FAHD1: variants seen among roughly 807,000 people sequenced by gnomAD.
FAHD1 encodes oxaloacetate tautomerase FAHD1, mitochondrial.
A neutral mutation model predicts 12.7 loss-of-function variants in FAHD1; 14 were observed. That is an observed-to-expected ratio of 1.10 (90% confidence interval 0.73 to 1.72). The LOEUF is 1.72. FAHD1 is among the 40% of genes most tolerant of loss of function. The pLI is 0.00. For synonymous variants in FAHD1, 153 were observed against 124.9 expected, an observed-to-expected ratio of 1.22 and a Z score of -1.50; for missense variants, 351 against 298.9, an observed-to-expected ratio of 1.17 and a Z score of -1.29.
chr16:1,827,696 T>A, exon 1 of FAHD1: 3 of 1,614,102 alleles, frequency 1.9e-6, no homozygotes, highest in Non-Finnish European at 2.5e-6. Context: ...AACGGCGAAC[T>A]CAGACAGGAG....
exon 3 of FAHD1, chr16:1,839,299 A>G: frequency 6.2e-7 from 1 of 1,614,006 alleles, no homozygotes; most frequent in Non-Finnish European, 8.5e-7. Context: ...GTGAGACTAC[A>G]GGAATGAAGG....
chr16:1,838,290 A>G (rs1898803098), intron 2 of FAHD1, among the ~76,000 whole-genome samples: 1 of 152,114 alleles, frequency 6.6e-6, no homozygotes, highest in Non-Finnish European at 1.5e-5. Context: ...GTGACCCACT[A>G]TGCCCAGCCA....
chr16:1,834,350 C>G (rs1898681816), intron 1 of FAHD1: 3 of 1,605,774 alleles, frequency 1.9e-6, no homozygotes, highest in African/African-American at 1.3e-5. Flanking sequence ...ACTCCTTGCT[C>G]TGTGTGATAG....
chr16:1,827,342 T>C (rs1045424436), exon 1 of FAHD1: 35 of 1,612,956 alleles, frequency 2.2e-5, no homozygotes, highest in Non-Finnish European at 3.0e-5. Flanking sequence ...CGCAGCGCGG[T>C]GTTGAGCGAG....
exon 1 of FAHD1, chr16:1,827,637 C>T (rs748104752): frequency 6.2e-7 from 1 of 1,614,044 alleles, no homozygotes; most frequent in South Asian, 1.1e-5. Context: ...CGTTCGTGCC[C>T]AAGGAGAAGA....
intron 1 of FAHD1, among the ~76,000 whole-genome samples, chr16:1,835,497 G>C (rs1898718680): frequency 2.0e-5 from 3 of 152,066 alleles, no homozygotes; most frequent in East Asian, 3.9e-4. Context: ...TTAATTTCAA[G>C]ACTGAGAGAA....
chr16:1,829,142 C>T (rs1249040336), downstream of FAHD1, among the ~76,000 whole-genome samples: 1 of 152,188 alleles, frequency 6.6e-6, no homozygotes, highest in Non-Finnish European at 1.5e-5. Flanking sequence ...GAAAAAACAT[C>T]CAGGCAAGAT....
chr16:1,839,439 C>T lies in FAHD1; in HGVS notation c.*186C>T, dbSNP rs972548876. ...ATTTACAATATAACCACAGCTGGAA[C>T]TGAAAAGAAACAAAGACAATGATAA... On this transcript the variant is annotated 3_prime_UTR_variant, in exon 3 of 3. Transcript: ENST00000382666. The T allele has an allele frequency of 3.1e-6, 5 of 1,603,652 alleles. No homozygotes were observed. Among genetic ancestry groups the T allele is most frequent in the Non-Finnish European group, 4.3e-6 (5 of 1,176,026 alleles).
exon 1 of FAHD1, chr16:1,827,340 G>A (rs949837941): frequency 5.0e-6 from 8 of 1,613,026 alleles, no homozygotes; most frequent in African/African-American, 2.7e-5. Flanking sequence ...TGCGCAGCGC[G>A]GTGTTGAGCG....
intron 2 of FAHD1, chr16:1,839,202 A>C: frequency 6.8e-7 from 1 of 1,480,850 alleles, no homozygotes; most frequent in African/African-American, 1.4e-5. Context: ...TTTTTTGGGA[A>C]AAAGCATTCA....
At chr16:1,832,412 C>T (rs896612606), downstream of FAHD1, among the ~76,000 whole-genome samples, 7 of 150,458 alleles carry the variant, frequency 4.7e-5, no homozygotes, top group African/African-American at 1.7e-4. Context: ...ACCTCGTGAT[C>T]CACCCACCTC....
chr16:1,837,775 T>G, intron 1 of FAHD1: 1 of 1,387,936 alleles, frequency 7.2e-7, no homozygotes, highest in African/African-American at 1.5e-5. Context: ...GACTATAAAA[T>G]GCACTAACTT....
At chr16:1,833,332 G>C (rs1350804275), downstream of FAHD1, among the ~76,000 whole-genome samples, 1 of 152,066 alleles carries the variant, frequency 6.6e-6, no homozygotes, top group African/African-American at 2.4e-5. Context: ...ACTCAGTCAT[G>C]TCAGCCCTGA....
chr16:1,835,165 G>A (rs1898708420), intron 1 of FAHD1, among the ~76,000 whole-genome samples: 1 of 151,904 alleles, frequency 6.6e-6, no homozygotes, highest in Non-Finnish European at 1.5e-5. Flanking sequence ...GAGGCGGGAG[G>A]ATCACTTGAG....
downstream of FAHD1, among the ~76,000 whole-genome samples, chr16:1,831,618 C>A (rs1473714127): frequency 6.6e-6 from 1 of 152,172 alleles, no homozygotes; most frequent in Non-Finnish European, 1.5e-5. Context: ...AACAATGATG[C>A]AAGGGGCATC....
chr16:1,827,492 C>T, exon 1 of FAHD1: 1 of 1,612,698 alleles, frequency 6.2e-7, no homozygotes, highest in Non-Finnish European at 8.5e-7. Context: ...GTCCCCGAGG[C>T]TGCGGCCATG....
At chr16:1,833,341 G>C (rs1898656545), downstream of FAHD1, among the ~76,000 whole-genome samples, 1 of 152,032 alleles carries the variant, frequency 6.6e-6, no homozygotes, top group African/African-American at 2.4e-5. Flanking sequence ...TGTCAGCCCT[G>C]AGCCAGCAAG....
chr16:1,834,206 A>G, intron 1 of FAHD1: 1 of 914,468 alleles, frequency 1.1e-6, no homozygotes, highest in East Asian at 2.5e-5. Flanking sequence ...TCCATTTTAA[A>G]GGGAGTTAAA....
At chr16:1,837,963 A>AATGAAATT (rs769235284) in intron 1 of FAHD1, 4 of 1,449,152 alleles carry the variant, frequency 2.8e-6, no homozygotes, top group Non-Finnish European at 2.7e-6. Flanking sequence ...TCTCATTAGA[A>AATGAAATT]ATGAAATTTT....
Sources: allele counts gnomAD v4.1 joint callset (sites outside exome capture counted in the v4.1 genomes callset), GRCh38; gene constraint gnomAD v4.1.1; transcripts MANE v1.5; gene names NCBI Gene and HGNC (gene_info 2026-07-23, HGNC 2026-07-21).